EXOC4: variants seen among roughly 807,000 people sequenced by gnomAD.
The protein encoded by EXOC4 is exocyst complex component 4.
In EXOC4, 71 loss-of-function variants were observed where a neutral mutation model predicts 107.2. The observed-to-expected ratio is 0.66, with a 90% confidence interval of 0.55 to 0.81. EXOC4 has a LOEUF of 0.81. EXOC4 is among the 30% of genes least tolerant of loss of function. EXOC4 has a pLI of 0.00. For missense variants in EXOC4, 1,108 were observed against 1,189.6 expected (o/e 0.93, Z 1.01); for synonymous variants, 456 against 441.2 (o/e 1.03, Z -0.42).
chr7:133,385,277 G>T (rs1796703760), intron 7 of EXOC4, among the ~76,000 whole-genome samples: 1 of 152,162 alleles, frequency 6.6e-6, no homozygotes, highest in South Asian at 2.1e-4. Context: ...GTGAAGAGTG[G>T]CAAGGAATTT....
intron 11 of EXOC4, among the ~76,000 whole-genome samples, chr7:133,890,512 G>A (rs1237220516): frequency 1.4e-5 from 2 of 141,882 alleles, no homozygotes; most frequent in Non-Finnish European, 3.0e-5. Flanking sequence ...CCTATGTCCT[G>A]AATGGTAATT....
In EXOC4 at chr7:133,957,547, A is replaced by T. The variant is rs182013532; in HGVS notation, c.2206+19478A>T. Reference sequence around the variant, plus strand: ...GGTCTTTGGAAAGTCAAGATTCTTAAATGTTAATGTGGCATTTCCTGTGTT... The same window carrying T: ...GGTCTTTGGAAAGTCAAGATTCTTATATGTTAATGTGGCATTTCCTGTGTT... On this transcript the variant is annotated intron_variant, in intron 14 of 17. Transcript: ENST00000253861. Among the ~76,000 whole-genome samples the T allele has an allele frequency of 4.0e-3, 604 of 152,304 alleles. 5 individuals carry two copies. Among genetic ancestry groups the T allele is most frequent in the African/African-American group, 0.014 (574 of 41,564 alleles).
intron 10 of EXOC4, among the ~76,000 whole-genome samples, chr7:133,650,734 A>G (rs1360137797): frequency 6.6e-6 from 1 of 152,146 alleles, no homozygotes; most frequent in Admixed American, 6.6e-5. Context: ...TGGTCTCATC[A>G]TAAGATGTAA....
intron 7 of EXOC4, among the ~76,000 whole-genome samples, chr7:133,394,408 A>C (rs1400217890): frequency 6.6e-6 from 1 of 152,116 alleles, no homozygotes; most frequent in Admixed American, 6.6e-5. Context: ...TTGGTTTGTA[A>C]TTACCTTCTT....
At chr7:133,916,339 C>G (rs2116629897) in intron 12 of EXOC4, among the ~76,000 whole-genome samples, 2 of 152,340 alleles carry the variant, frequency 1.3e-5, no homozygotes, top group African/African-American at 4.8e-5. Flanking sequence ...GGACCAGGAC[C>G]AGTCCGTGGC....
intron 14 of EXOC4, among the ~76,000 whole-genome samples, chr7:133,970,695 A>G (rs10248809): frequency 0.21 from 31,558 of 151,914 alleles, 4,361 homozygotes; most frequent in East Asian, 0.44. Context: ...ACCGGTCCCA[A>G]TGAGATGAGC....
chr7:133,867,041 C>A (rs538162873), intron 11 of EXOC4, among the ~76,000 whole-genome samples: 31 of 152,294 alleles, frequency 2.0e-4, no homozygotes, highest in African/African-American at 7.0e-4. Flanking sequence ...TCCACTCATG[C>A]CAGTCAAACT....
At chr7:133,381,620 T>C (rs1222451044) in intron 7 of EXOC4, among the ~76,000 whole-genome samples, 2 of 152,152 alleles carry the variant, frequency 1.3e-5, no homozygotes, top group African/African-American at 4.8e-5. Context: ...CTTGGATAGG[T>C]AGATTTGGGT....
At position 133,350,863 on chromosome 7, in the gene EXOC4, A is replaced by G. The variant is rs1023382021; in HGVS notation, c.764-5467A>G. 4.6e-5 allele frequency among the ~76,000 whole-genome samples: 7 copies of G among 152,146 alleles called. No individual in the cohort carries two copies. In the East Asian group the frequency reaches 1.3e-3, roughly 29 times the overall value. On this transcript the variant is annotated intron_variant, in intron 5 of 17. Transcript: ENST00000253861. ...ATTCATTTATTTGTTTCCATTAATT[A>G]TAATTTTTTAATTTAGCAACAATTT... is the stretch of plus-strand genomic sequence containing the variant.
intron 10 of EXOC4, among the ~76,000 whole-genome samples, chr7:133,700,931 A>G (rs1794643410): frequency 6.6e-6 from 1 of 152,280 alleles, no homozygotes; most frequent in Middle Eastern, 3.4e-3. Flanking sequence ...GAATGAGCTC[A>G]GGAGTTCAAG....
At chr7:133,492,052 G>T (rs1799382144) in intron 9 of EXOC4, among the ~76,000 whole-genome samples, 1 of 152,180 alleles carries the variant, frequency 6.6e-6, no homozygotes, top group African/African-American at 2.4e-5. Flanking sequence ...TGTCCTGCGG[G>T]TGATAAGGAG....
At chr7:133,688,981 C>T (rs1211285929) in intron 10 of EXOC4, among the ~76,000 whole-genome samples, 1 of 152,202 alleles carries the variant, frequency 6.6e-6, no homozygotes, top group Non-Finnish European at 1.5e-5. Context: ...GCCCAGTCCT[C>T]ATTCCCTTGT....
intron 7 of EXOC4, among the ~76,000 whole-genome samples, chr7:133,420,808 A>T (rs1051470191): frequency 2.0e-5 from 3 of 151,776 alleles, no homozygotes; most frequent in Non-Finnish European, 4.4e-5. Flanking sequence ...GAATTGTTTT[A>T]TGGTCAGCAA....
chr7:133,466,279 C>A (rs190880258), intron 7 of EXOC4, among the ~76,000 whole-genome samples: 89 of 151,748 alleles, frequency 5.9e-4, no homozygotes, highest in Non-Finnish European at 1.0e-3. Context: ...TTGAAAAGAT[C>A]AAAAATTGAT....
At chr7:133,978,616 C>T (rs892231215) in intron 14 of EXOC4, among the ~76,000 whole-genome samples, 4 of 152,098 alleles carry the variant, frequency 2.6e-5, no homozygotes, top group African/African-American at 4.8e-5. Context: ...CTTAGACAGC[C>T]GTTGGAAGGA....
At chr7:133,293,519 A>G (rs1424572064) in intron 3 of EXOC4, among the ~76,000 whole-genome samples, 1 of 152,212 alleles carries the variant, frequency 6.6e-6, no homozygotes, top group Non-Finnish European at 1.5e-5. Flanking sequence ...GCAGATGCAG[A>G]TGCTTAGTAA....
chr7:133,847,748 G>C (rs1292352278), intron 11 of EXOC4, among the ~76,000 whole-genome samples: 1 of 151,400 alleles, frequency 6.6e-6, no homozygotes, highest in Admixed American at 6.6e-5. Context: ...CGCTCTTGTC[G>C]CCCAGGTTGA....
chr7:133,695,748 T>C (rs907260549), intron 10 of EXOC4, among the ~76,000 whole-genome samples: 2 of 152,212 alleles, frequency 1.3e-5, no homozygotes, highest in African/African-American at 4.8e-5. Context: ...TCCATTATCA[T>C]TGATGTTCAT....
intron 7 of EXOC4, among the ~76,000 whole-genome samples, chr7:133,411,238 C>T (rs186840136): frequency 1.3e-5 from 2 of 152,250 alleles, no homozygotes; most frequent in African/African-American, 4.8e-5. Flanking sequence ...TTAGTGCAAA[C>T]TCATTCTCAC....
Sources: allele counts gnomAD v4.1 joint callset (sites outside exome capture counted in the v4.1 genomes callset), GRCh38; gene constraint gnomAD v4.1.1; transcripts MANE v1.5; gene names NCBI Gene and HGNC (gene_info 2026-07-23, HGNC 2026-07-21).